SRFBP1: variants seen among roughly 807,000 people sequenced by gnomAD.
The protein encoded by SRFBP1 is serum response factor-binding protein 1.
A neutral mutation model predicts 45.5 loss-of-function variants in SRFBP1; 47 were observed. The observed-to-expected ratio is 1.03, with a 90% CI of 0.82 to 1.32. The LOEUF is 1.32. SRFBP1 is among the 40% of genes most tolerant of loss of function. SRFBP1 has a pLI of 0.00. For missense variants in SRFBP1, 621 were observed against 484.6 expected (o/e 1.28, Z -2.64); for synonymous variants, 203 against 166.3 (o/e 1.22, Z -1.70).
chr5:121,975,518 T>C (rs1580500951), intron 3 of SRFBP1, 131 bp downstream of exon 3: 6 of 939,826 alleles, frequency 6.4e-6, no homozygotes, highest in Non-Finnish European at 9.8e-6. Flanking sequence ...TCAGTCTGTT[T>C]GGTGAAGAAT....
At chr5:122,035,485 C>T (rs529192894) in intron 2 of SRFBP1, among the ~76,000 whole-genome samples, 1 of 152,154 alleles carries the variant, frequency 6.6e-6, no homozygotes, top group Admixed American at 6.5e-5. Flanking sequence ...CACAAGTGAG[C>T]CAGTGCTCTT....
At chr5:122,045,594 G>T (rs965471890) in intron 2 of SRFBP1, among the ~76,000 whole-genome samples, 1 of 152,054 alleles carries the variant, frequency 6.6e-6, no homozygotes, top group African/African-American at 2.4e-5. Flanking sequence ...TGTATTCCTA[G>T]GTATTTTATT....
At chr5:122,053,888 C>T (rs768444975) in intron 2 of SRFBP1, among the ~76,000 whole-genome samples, 37 of 152,262 alleles carry the variant, frequency 2.4e-4, no homozygotes, top group Non-Finnish European at 4.4e-4. Context: ...GAAGCTGTAT[C>T]CTCCAGCTGA....
intron 1 of SRFBP1, among the ~76,000 whole-genome samples, chr5:121,972,229 A>G (rs887011039): frequency 6.6e-6 from 1 of 151,904 alleles, no homozygotes; most frequent in African/African-American, 2.4e-5. Flanking sequence ...ATAAACTCAG[A>G]TATGTGTAGT....
chr5:122,056,436 A>G (rs1427043295), intron 2 of SRFBP1, among the ~76,000 whole-genome samples: 1 of 152,222 alleles, frequency 6.6e-6, no homozygotes, highest in East Asian at 1.9e-4. Flanking sequence ...CACTCAGTAA[A>G]TATCAGCCAC....
intron 2 of SRFBP1, among the ~76,000 whole-genome samples, chr5:122,048,278 C>T (rs1256177978): frequency 2.6e-5 from 4 of 152,162 alleles, no homozygotes; most frequent in Middle Eastern, 3.4e-3. Flanking sequence ...TTCTCAGAGG[C>T]GTTTTCTGCA....
At chr5:122,010,795 A>G (rs982775915) in intron 4 of SRFBP1, among the ~76,000 whole-genome samples, 5 of 152,182 alleles carry the variant, frequency 3.3e-5, no homozygotes, top group African/African-American at 1.2e-4. Context: ...GTCTTCAAAG[A>G]CAGGAACATA....
intron 1 of SRFBP1, among the ~76,000 whole-genome samples, chr5:121,963,986 A>T (rs1330880671): frequency 6.6e-6 from 1 of 152,218 alleles, no homozygotes; most frequent in Non-Finnish European, 1.5e-5. Context: ...TAATGCCCTT[A>T]ATAGGAAATA....
intron 2 of SRFBP1, among the ~76,000 whole-genome samples, chr5:122,058,708 A>G (rs1580549449): frequency 1.3e-5 from 2 of 152,094 alleles, no homozygotes; most frequent in East Asian, 3.9e-4. Flanking sequence ...GTTATTTTAA[A>G]TGGGACTGCA....
In SRFBP1 at chr5:122,020,247, A is replaced by G. The variant is rs370920274; in HGVS notation, c.512A>G (p.Lys171Arg). ...ACTGTCATCAGTGAGCAAAAAGTCA[A>G]AGAAACCAAAATATTGGCGAAGAAA... Reference protein sequence around the residue: ...EATVISEQKVKETKILAKKPI... With the variant: ...EATVISEQKVRETKILAKKPI... Residue 171 changes from lysine to arginine, a missense_variant, in exon 6 of 8, where the codon AAA (lysine) becomes AGA (arginine). Coordinates refer to ENST00000339397, the MANE Select transcript of SRFBP1 (RefSeq NM_152546.3). 4 of 1,612,768 alleles carry G rather than the reference A, an allele frequency of 2.5e-6. No individual in the cohort carries two copies. The highest frequency in any genetic ancestry group is 2.5e-6 in the Non-Finnish European group (3 of 1,179,654).
intron 3 of SRFBP1, among the ~76,000 whole-genome samples, chr5:121,983,999 T>A (rs10076187): frequency 0.88 from 133,923 of 151,728 alleles, 59,196 homozygotes; most frequent in East Asian, 0.96. Context: ...CCTCATTTGT[T>A]TCTAATACTA....
chr5:122,021,730 G>A (rs1460677574), intron 6 of SRFBP1, among the ~76,000 whole-genome samples: 1 of 133,322 alleles, frequency 7.5e-6, no homozygotes, highest in Non-Finnish European at 1.5e-5. Context: ...AGGCTGGAGT[G>A]CAGTGGTGTG....
chr5:122,003,622 T>G (rs1375703453), intron 4 of SRFBP1, among the ~76,000 whole-genome samples: 2 of 152,158 alleles, frequency 1.3e-5, no homozygotes, highest in Non-Finnish European at 2.9e-5. Context: ...TCATTTTGTT[T>G]TAGAACCTCC....
In SRFBP1 at chr5:121,962,012, G is replaced by T. The variant is rs573727666; in HGVS notation, c.-21G>T. Reference sequence around the variant, plus strand: ...ACCGGTTCACGTGCAGGCAGCGGCGGATCATATTCCTTCATCTACCATGGC... The same window carrying T: ...ACCGGTTCACGTGCAGGCAGCGGCGTATCATATTCCTTCATCTACCATGGC... On this transcript the variant is annotated 5_prime_UTR_variant, in exon 1 of 8. Coordinates refer to ENST00000339397, the MANE Select transcript of SRFBP1 (RefSeq NM_152546.3). 6.2e-7 allele frequency: 1 copy of T among 1,613,328 alleles called. No homozygotes were observed. The highest frequency in any genetic ancestry group is 8.5e-7 in the Non-Finnish European group (1 of 1,179,804).
downstream of SRFBP1, among the ~76,000 whole-genome samples, chr5:122,031,473 T>G (rs538123981): frequency 9.9e-5 from 15 of 152,176 alleles, no homozygotes; most frequent in Non-Finnish European, 1.9e-4. Context: ...ATTTTAAATA[T>G]GTTCAAAGAA....
chr5:122,020,687 G>C lies in SRFBP1; in HGVS notation c.952G>C (p.Asp318His). The C allele has an allele frequency of 1.2e-6, 2 of 1,613,946 alleles. No individual in the cohort carries two copies. The highest frequency in any genetic ancestry group is 1.7e-6 in the Non-Finnish European group (2 of 1,179,948). ...KPLEKVFLKE[D>H]TGETHGDTRN... ...ACTAGAAAAAGTGTTTCTTAAAGAA[G>C]ATACAGGTGAAACTCATGGGGATAC... Residue 318 changes from aspartate to histidine, a missense_variant, in exon 6 of 8, where the codon GAT becomes CAT. Asp to His is a moderately conservative substitution (Grantham distance 81). Transcript: ENST00000339397.
chr5:122,060,472 A>G (rs1052045244), intron 2 of SRFBP1, among the ~76,000 whole-genome samples: 2 of 151,944 alleles, frequency 1.3e-5, no homozygotes, highest in African/African-American at 2.4e-5. Context: ...GCATCCTCTT[A>G]CTTGACCTCA....
At chr5:122,005,154 A>C (rs1019084000) in intron 4 of SRFBP1, among the ~76,000 whole-genome samples, 4 of 152,158 alleles carry the variant, frequency 2.6e-5, no homozygotes, top group Non-Finnish European at 5.9e-5. Flanking sequence ...GATGTCTATT[A>C]GGTCTATACA....
chr5:121,989,358 GC>G (rs2112668931), intron 3 of SRFBP1, among the ~76,000 whole-genome samples: 1 of 152,214 alleles, frequency 6.6e-6, no homozygotes, highest in South Asian at 2.1e-4. Flanking sequence ...GAGCCACCGA[GC>G]CCTGCCTGGA....
Sources: allele counts gnomAD v4.1 joint callset (sites outside exome capture counted in the v4.1 genomes callset), GRCh38; gene constraint gnomAD v4.1.1; transcripts MANE v1.5; gene names NCBI Gene and HGNC (gene_info 2026-07-23, HGNC 2026-07-21).